Variants in PTN observed in about 807,000 individuals in gnomAD.
PTN encodes the protein heparin affin regulatory protein.
A neutral mutation model predicts 24.1 loss-of-function variants in PTN; 18 were observed. That is an observed-to-expected ratio of 0.75 (90% CI 0.52 to 1.11). PTN has a LOEUF of 1.11. PTN is among the 50% of genes least tolerant of loss of function. The pLI, the probability that PTN is intolerant of heterozygous loss-of-function variation, is 0.00. For missense variants in PTN, 163 were observed against 198.8 expected (o/e 0.82, Z 1.08); for synonymous variants, 78 against 68.6 (o/e 1.14, Z -0.67).
intron 1 of PTN, among the ~76,000 whole-genome samples, chr7:137,276,363 C>A (rs1809359138): frequency 6.6e-6 from 1 of 152,220 alleles, no homozygotes; most frequent in Admixed American, 6.5e-5. Flanking sequence ...GCTGGGAATG[C>A]AGCATCCTGA....
rs1006049416 is a variant in PTN, at chr7:137,318,837, T to C, written c.-2+24602A>G. 3 of 152,208 alleles carry C rather than the reference T, an allele frequency of 2.0e-5. No individual in the cohort carries two copies. The East Asian group carries it at 5.8e-4, about 29-fold the overall frequency. 9.4% of individuals were successfully genotyped at this position (152,208 alleles called of 1,614,324 possible). ...GTTTCCTTATTTGTAAATGGAATAG[T>C]AGTGCCTCAAGTGAGATAAGGTATG... On this transcript the variant is annotated intron_variant, in intron 1 of 4. Transcript: ENST00000348225.
intron 4 of PTN, among the ~76,000 whole-genome samples, chr7:137,249,136 C>T (rs971118751): frequency 4.6e-5 from 7 of 151,964 alleles, no homozygotes; most frequent in Non-Finnish European, 1.0e-4. Flanking sequence ...CTGCTGTGTC[C>T]CATTTATTCC....
chr7:137,241,124 A>C (rs930436491), intron 4 of PTN, among the ~76,000 whole-genome samples: 16 of 152,084 alleles, frequency 1.1e-4, no homozygotes, highest in African/African-American at 3.9e-4. Context: ...TAAAACCATC[A>C]ACTCTCGTGA....
At chr7:137,295,405 C>T (rs373096790) in intron 1 of PTN, among the ~76,000 whole-genome samples, 26 of 152,118 alleles carry the variant, frequency 1.7e-4, no homozygotes, top group East Asian at 9.7e-4. Flanking sequence ...GCTAGGAGTA[C>T]GTTACCAATT....
chr7:137,326,149 G>A (rs181548699), intron 1 of PTN: 21 of 152,280 alleles, frequency 1.4e-4, no homozygotes, highest in African/African-American at 3.1e-4. Flanking sequence ...ACAAGCCTGA[G>A]GCTACTTCTC....
intron 1 of PTN, among the ~76,000 whole-genome samples, chr7:137,274,970 C>G (rs1809338581): frequency 6.6e-6 from 1 of 152,294 alleles, no homozygotes; most frequent in South Asian, 2.1e-4. Context: ...TGTCAGTATC[C>G]TCATCAATGG....
intron 1 of PTN, among the ~76,000 whole-genome samples, chr7:137,325,198 G>T (rs1810238647): frequency 6.6e-6 from 1 of 152,168 alleles, no homozygotes; most frequent in African/African-American, 2.4e-5. Context: ...AAAAGATCTT[G>T]TCTGATCTCT....
chr7:137,269,977 TC>T (rs1379377403), intron 1 of PTN, among the ~76,000 whole-genome samples: 1 of 152,128 alleles, frequency 6.6e-6, no homozygotes, highest in Non-Finnish European at 1.5e-5. Context: ...TCCAAAACTA[TC>T]TTGACACCTC....
At chr7:137,239,832 G>A (rs537931747) in intron 4 of PTN, among the ~76,000 whole-genome samples, 24 of 152,186 alleles carry the variant, frequency 1.6e-4, no homozygotes, top group South Asian at 1.2e-3. Flanking sequence ...ACATGCCCTC[G>A]GTACAGCATA....
At chr7:137,295,895 C>T (rs896652661) in intron 1 of PTN, among the ~76,000 whole-genome samples, 1 of 151,932 alleles carries the variant, frequency 6.6e-6, no homozygotes, top group Non-Finnish European at 1.5e-5. Context: ...TGTCAGCTGC[C>T]TCAGCCCCTG....
intron 1 of PTN, among the ~76,000 whole-genome samples, chr7:137,304,903 C>A (rs1809862631): frequency 6.6e-6 from 1 of 151,996 alleles, no homozygotes; most frequent in Non-Finnish European, 1.5e-5. Flanking sequence ...TAAAGTCCAA[C>A]ACTCATCTAA....
In PTN at chr7:137,251,367, G is replaced by A; in HGVS notation, c.314C>T (p.Ala105Val). 1 of 1,614,038 alleles carries A rather than the reference G, an allele frequency of 6.2e-7. No homozygotes were observed. The highest frequency in any genetic ancestry group is 8.5e-7 in the Non-Finnish European group (1 of 1,179,988). ...FGAECKYQFQ[A>V]WGECDLNTAL... is the part of the protein sequence containing the mutation. ...TGTGTTCAGGTCACATTCTCCCCAG[G>A]CCTGGAACTGGTATTTGCACTCCGC... Residue 105 changes from alanine (A) to valine (V), a missense_variant, in exon 4 of 5, where the codon GCC becomes GTC. Transcript: ENST00000348225.
At chr7:137,263,583 T>C (rs1004725852) in intron 1 of PTN, among the ~76,000 whole-genome samples, 7 of 152,214 alleles carry the variant, frequency 4.6e-5, no homozygotes, top group African/African-American at 1.7e-4. Flanking sequence ...GGGGGTCTGG[T>C]ATCCCCATGA....
At position 137,251,765 on chromosome 7, in the gene PTN, G is replaced by A. The variant is rs1808831838; in HGVS notation, c.290-374C>T. On this transcript the variant is annotated intron_variant, in intron 3 of 4. Transcript: ENST00000348225. The stretch of plus-strand genomic sequence containing the variant: ...TCTATCATTTTTCTAGCTTAAAAAT[G>A]TTGCATAAATGGAATTCTACAATAT... Among the ~76,000 whole-genome samples the A allele has an allele frequency of 2.6e-5, 4 of 151,792 alleles. No homozygotes were observed. In the South Asian group the frequency reaches 6.2e-4, roughly 24 times the overall value.
At chr7:137,293,770 C>T (rs1809676615) in intron 1 of PTN, among the ~76,000 whole-genome samples, 1 of 152,010 alleles carries the variant, frequency 6.6e-6, no homozygotes. Context: ...AATTAATGAA[C>T]TTTCGTTGAC....
At chr7:137,341,030 G>T (rs1810525491) in intron 1 of PTN, among the ~76,000 whole-genome samples, 1 of 152,124 alleles carries the variant, frequency 6.6e-6, no homozygotes, top group African/African-American at 2.4e-5. Flanking sequence ...AACGAGCCGG[G>T]TAAACTCGAT....
At chr7:137,335,043 T>G in intron 1 of PTN, among the ~76,000 whole-genome samples, 1 of 66,304 alleles carries the variant, frequency 1.5e-5, no homozygotes. Flanking sequence ...GGGACTGTTG[T>G]GGGGTGGGGG....
intron 4 of PTN, among the ~76,000 whole-genome samples, chr7:137,230,610 T>C (rs1808410797): frequency 6.6e-6 from 1 of 151,828 alleles, no homozygotes. Context: ...GTCAGTAATA[T>C]TGCTTCCAAT....
chr7:137,253,979 A>G (rs1431734737), intron 2 of PTN, among the ~76,000 whole-genome samples: 1 of 152,196 alleles, frequency 6.6e-6, no homozygotes, highest in Non-Finnish European at 1.5e-5. Flanking sequence ...TAGTTCTCCT[A>G]AAAATGAAGA....
Sources: gnomAD v4.1 joint callset for allele counts (sites outside exome capture counted in the v4.1 genomes callset) on GRCh38, gnomAD v4.1.1 for gene constraint, MANE v1.5 for transcripts, NCBI Gene and HGNC (gene_info 2026-07-23, HGNC 2026-07-21) for gene names.